The following CCDC93 variants were observed in gnomAD, a reference collection of about 807,000 sequenced individuals.
CCDC93 encodes coiled-coil domain-containing protein 93.
CCDC93 carries 61 observed loss-of-function variants against 108.2 expected under a neutral mutation model. The ratio of observed to expected loss-of-function variants is 0.56; its 90% CI spans 0.46 to 0.70. The LOEUF (loss-of-function observed/expected upper bound fraction) is 0.70. CCDC93 is among the 30% of genes least tolerant of loss of function. The pLI, the probability that CCDC93 is intolerant of heterozygous loss-of-function variation, is 0.00. For missense variants in CCDC93, 685 were observed against 764.2 expected, an observed-to-expected ratio of 0.90 and a Z score of 1.22; for synonymous variants, 276 against 260.4, an observed-to-expected ratio of 1.06 and a Z score of -0.58.
chr2:117,988,574 C>A (rs1680387158), intron 6 of CCDC93, among the ~76,000 whole-genome samples: 1 of 152,206 alleles, frequency 6.6e-6, no homozygotes, highest in Non-Finnish European at 1.5e-5. Context: ...TCCAACAGAT[C>A]CATCTTACTT....
At chr2:117,995,631 C>T (rs1472907493) in intron 5 of CCDC93, 129 bp from the exon 6 acceptor site, 4 of 713,914 alleles carry the variant, frequency 5.6e-6, no homozygotes, top group Admixed American at 2.4e-5. Flanking sequence ...TCTCAATTTT[C>T]GAACAAATTG....
rs558907554 is a variant in CCDC93 at position 117,993,228 on chromosome 2, C to T, written c.519+2218G>A. Among the ~76,000 whole-genome samples the T allele has an allele frequency of 5.3e-5, 8 of 152,102 alleles. No homozygotes were observed. The South Asian group carries it at 8.3e-4, about 16-fold the overall frequency. On this transcript the variant is annotated intron_variant, in intron 6 of 23. Transcript: ENST00000376300. ...TGGCTAACACGGTGAAACCCCATCTCTACTAAAAAAACAAAAAGTGAGCCA... is the reference window on the plus strand; with the variant it reads ...TGGCTAACACGGTGAAACCCCATCTTTACTAAAAAAACAAAAAGTGAGCCA...
chr2:117,941,035 G>A (rs533533235), intron 19 of CCDC93, among the ~76,000 whole-genome samples, 154 bp downstream of exon 19: 3 of 152,210 alleles, frequency 2.0e-5, no homozygotes, highest in Admixed American at 2.0e-4. Context: ...GCTGCTCCCG[G>A]GACTGCCAAG....
intron 4 of CCDC93, 76 bp downstream of exon 4, chr2:118,000,745 C>G: frequency 1.1e-6 from 1 of 889,766 alleles, no homozygotes; most frequent in South Asian, 1.4e-5. Flanking sequence ...GACAGACGGA[C>G]CCATTACAGG....
intron 11 of CCDC93, among the ~76,000 whole-genome samples, chr2:117,972,855 T>C (rs1339959694): frequency 6.6e-6 from 1 of 152,156 alleles, no homozygotes; most frequent in Non-Finnish European, 1.5e-5. Context: ...TAGGTGGTAA[T>C]GGAAAGACAG....
intron 23 of CCDC93, among the ~76,000 whole-genome samples, chr2:117,924,105 C>T (rs894428032): frequency 2.6e-5 from 4 of 152,116 alleles, no homozygotes; most frequent in African/African-American, 7.2e-5. Flanking sequence ...ACAGAAAGGA[C>T]ATCCACACCA....
intron 12 of CCDC93, among the ~76,000 whole-genome samples, chr2:117,954,657 C>G (rs926895790): frequency 6.6e-6 from 1 of 152,174 alleles, no homozygotes; most frequent in Admixed American, 6.5e-5. Flanking sequence ...TCTTAGCTAC[C>G]TACCACCTGT....
intron 2 of CCDC93, among the ~76,000 whole-genome samples, chr2:118,007,316 A>G (rs1481100741): frequency 6.6e-6 from 1 of 152,266 alleles, no homozygotes; most frequent in Non-Finnish European, 1.5e-5. Flanking sequence ...TGCAAATGAG[A>G]GTAAGACTAA....
intron 13 of CCDC93, 145 bp from the exon 14 acceptor site, chr2:117,949,540 C>T (rs1678983777): frequency 1.5e-6 from 1 of 675,142 alleles, no homozygotes; most frequent in African/African-American, 1.8e-5. Flanking sequence ...GTAATTACAT[C>T]ATACAACAGA....
chr2:117,968,993 T>C (rs1317052569), intron 11 of CCDC93, among the ~76,000 whole-genome samples: 1 of 152,152 alleles, frequency 6.6e-6, no homozygotes, highest in East Asian at 1.9e-4. Flanking sequence ...CAAACCATGG[T>C]AGACAACTCT....
Position 117,974,884 on chromosome 2 carries a change from A to G in CCDC93, c.767T>C (p.Leu256Pro). ...TGCCATAGCGGTCATCTTGGTCATC[A>G]GCGACTGAATACGCTGCTGAAAGAG... ...RAAEEQRIQS[L>P]MTKMTAMANE... Residue 256 changes from leucine to proline, a missense_variant, in exon 10 of 24, where the codon CTG becomes CCG. Physicochemically the swap from Leu to Pro is moderately conservative, Grantham distance 98. Coordinates refer to ENST00000376300, the MANE Select transcript of CCDC93 (RefSeq NM_019044.5). 6.4e-7 allele frequency: 1 copy of G among 1,567,936 alleles called. No individual in the cohort carries two copies. The highest frequency in any genetic ancestry group is 1.2e-5 in the South Asian group (1 of 85,172).
chr2:118,001,007 CAT>C, intron 3 of CCDC93, 75 bp from the exon 4 acceptor site: 4 of 877,208 alleles, frequency 4.6e-6, no homozygotes, highest in Non-Finnish European at 7.7e-6. Context: ...GTCTGGGCAG[CAT>C]CACAGACGGA....
In CCDC93 at chr2:117,964,002, A is replaced by G. The variant is rs182881151; in HGVS notation, c.889-5521T>C. ...GATACCATTATCCTTGCAGTTAGGTATTGTATACTAATTACGTAAGAGTCG... is the reference window on the plus strand; with the variant it reads ...GATACCATTATCCTTGCAGTTAGGTGTTGTATACTAATTACGTAAGAGTCG... On this transcript the variant is annotated intron_variant, in intron 11 of 23. Transcript: ENST00000376300. Among the ~76,000 whole-genome samples the G allele has an allele frequency of 2.6e-5, 4 of 152,324 alleles. No individual in the cohort carries two copies. In the East Asian group the frequency reaches 5.8e-4, roughly 22 times the overall value.
intron 13 of CCDC93, chr2:117,951,223 A>C: frequency 1.0e-6 from 1 of 985,392 alleles, no homozygotes; most frequent in East Asian, 1.1e-4. Context: ...GCATTAAAAT[A>C]TCACAGAGGG....
intron 15 of CCDC93, among the ~76,000 whole-genome samples, chr2:117,947,856 G>C (rs1292557978): frequency 1.3e-5 from 2 of 152,110 alleles, no homozygotes; most frequent in African/African-American, 4.8e-5. Flanking sequence ...ACCACGCCCA[G>C]CTAATTTTTT....
chr2:117,983,630 TTATATATATATATATA>T (rs66879401), intron 7 of CCDC93, among the ~76,000 whole-genome samples: 5 of 98,570 alleles, frequency 5.1e-5, no homozygotes, highest in African/African-American at 1.6e-4. Context: ...CTGCTCAAAA[TTATATATATATATATA>T]TATATATATA....
chr2:117,996,459 G>A, intron 4 of CCDC93, 97 bp from the exon 5 acceptor site: 2 of 799,526 alleles, frequency 2.5e-6, no homozygotes, highest in Admixed American at 1.9e-5. Context: ...ACTCAAATCA[G>A]CATAGTTGAA....
intron 12 of CCDC93, among the ~76,000 whole-genome samples, chr2:117,954,428 T>A (rs566102846): frequency 6.6e-6 from 1 of 152,330 alleles, no homozygotes; most frequent in East Asian, 1.9e-4. Context: ...TTTTCTTTAA[T>A]TAATTTAACT....
At chr2:118,002,924 G>C (rs1196605811) in intron 3 of CCDC93, among the ~76,000 whole-genome samples, 1 of 152,152 alleles carries the variant, frequency 6.6e-6, no homozygotes, top group Non-Finnish European at 1.5e-5. Flanking sequence ...TACAGTCCCA[G>C]CTACTCAAAA....
Sources: gnomAD v4.1 joint callset for allele counts (sites outside exome capture counted in the v4.1 genomes callset) on GRCh38, gnomAD v4.1.1 for gene constraint, MANE v1.5 for transcripts, NCBI Gene and HGNC (gene_info 2026-07-23, HGNC 2026-07-21) for gene names.